LUC7L2: variants seen among roughly 807,000 people sequenced by gnomAD.
The protein encoded by LUC7L2 is putative RNA-binding protein Luc7-like 2.
A neutral mutation model predicts 52.8 loss-of-function variants in LUC7L2; 25 were observed. The observed-to-expected ratio is 0.47, with a 90% confidence interval of 0.34 to 0.66. LUC7L2 has a LOEUF of 0.66. Ranked by LOEUF, LUC7L2 falls within the 30% of genes least tolerant of loss-of-function variation. The pLI is 0.01. For synonymous variants in LUC7L2, 144 were observed against 160.9 expected, an observed-to-expected ratio of 0.89 and a Z score of 0.80; for missense variants, 328 against 497.8, an observed-to-expected ratio of 0.66 and a Z score of 3.25.
At chr7:139,417,509 T>G (rs1422134312) in intron 8 of LUC7L2, 29 bp from the exon 9 acceptor site, 5 of 1,600,846 alleles carry the variant, frequency 3.1e-6, no homozygotes, top group Non-Finnish European at 4.3e-6. Flanking sequence ...ATTACAAAGG[T>G]AGAAACAAAA....
At chr7:139,378,286 A>G (rs1800822048) in intron 2 of LUC7L2, among the ~76,000 whole-genome samples, 3 of 152,210 alleles carry the variant, frequency 2.0e-5, no homozygotes, top group Non-Finnish European at 2.9e-5. Context: ...ATTTACTTTT[A>G]ATTTTTATTT....
At chr7:139,378,532 A>G (rs1217825541) in intron 2 of LUC7L2, among the ~76,000 whole-genome samples, 1 of 152,102 alleles carries the variant, frequency 6.6e-6, no homozygotes, top group African/African-American at 2.4e-5. Context: ...CTGTGATCAC[A>G]CCAGTGTACT....
At position 139,422,465 on chromosome 7, in the gene LUC7L2, A is replaced by G; in HGVS notation, c.*125A>G. The G allele has an allele frequency of 1.4e-6, 2 of 1,447,958 alleles. No individual in the cohort carries two copies. Among genetic ancestry groups the G allele is most frequent in the African/African-American group, 2.8e-5 (2 of 70,668 alleles). 89.7% of individuals were successfully genotyped at this position (1,447,958 alleles called of 1,614,324 possible). On this transcript the variant is annotated 3_prime_UTR_variant, in exon 10 of 10. Transcript: ENST00000354926. ...CCAGATCCAGCTAGGCTAGATGTAC[A>G]GTATCTAACTTGATCTGAACTGAAC...
chr7:139,391,857 G>T (rs1490916237), intron 2 of LUC7L2, among the ~76,000 whole-genome samples: 1 of 152,120 alleles, frequency 6.6e-6, no homozygotes, highest in Non-Finnish European at 1.5e-5. Context: ...ATAGTGCTGG[G>T]ACTACAGGTG....
chr7:139,389,568 A>G (rs1439002801), intron 2 of LUC7L2, among the ~76,000 whole-genome samples: 1 of 152,114 alleles, frequency 6.6e-6, no homozygotes, highest in Non-Finnish European at 1.5e-5. Flanking sequence ...CCTCATACAC[A>G]CTGATATTTA....
Position 139,417,603 on chromosome 7 carries a change from C to A in LUC7L2, c.875C>A (p.Thr292Asn). ...RSMSRERKRR[T>N]RSKSREKRHR... The stretch of plus-strand genomic sequence containing the variant: ...ATGTCACGTGAACGCAAGAGGAGAA[C>A]TCGATCCAAATCTCGGGAGAAACGC... The change falls in exon 9 of 10, where the codon ACT (threonine) becomes AAT (asparagine). Residue 292 changes from threonine to asparagine, a missense_variant. This residue lies in a region of LUC7L2 where 195 missense variants were observed against 223.3 expected (regional missense o/e 0.87). Coordinates refer to ENST00000354926, the MANE Select transcript of LUC7L2 (RefSeq NM_016019.5). 6.2e-7 allele frequency: 1 copy of A among 1,614,184 alleles called. No individual in the cohort carries two copies. Among genetic ancestry groups the A allele is most frequent in the Non-Finnish European group, 8.5e-7 (1 of 1,180,028 alleles).
intron 1 of LUC7L2, among the ~76,000 whole-genome samples, chr7:139,342,061 A>C (rs1799007354): frequency 1.3e-5 from 2 of 152,142 alleles, no homozygotes; most frequent in Non-Finnish European, 1.5e-5. Context: ...CAACTGTCGA[A>C]TTTCTGAGCC....
intron 2 of LUC7L2, among the ~76,000 whole-genome samples, chr7:139,390,819 C>A (rs6945571): frequency 6.6e-6 from 1 of 151,900 alleles, no homozygotes; most frequent in Non-Finnish European, 1.5e-5. Context: ...GCCTCCCAAA[C>A]TGCTGGGATT....
upstream of LUC7L2, chr7:139,359,703 T>A (rs375643246): frequency 2.5e-6 from 1 of 398,050 alleles, no homozygotes; most frequent in Non-Finnish European, 4.4e-6. Flanking sequence ...TCGGGGCGGA[T>A]CCGGCTTGCA....
chr7:139,360,401 G>C (rs1391600908), intron 1 of LUC7L2, 79 bp downstream of exon 1: 5 of 1,387,842 alleles, frequency 3.6e-6, no homozygotes, highest in Middle Eastern at 2.1e-4. Context: ...GCGCACCTGG[G>C]CGCGCGCGTG....
chr7:139,365,728 C>G (rs566744536), intron 1 of LUC7L2, among the ~76,000 whole-genome samples: 1 of 152,182 alleles, frequency 6.6e-6, no homozygotes, highest in African/African-American at 2.4e-5. Flanking sequence ...TTCTTAAAGC[C>G]TACTGCTGTT....
chr7:139,374,145 A>G (rs751927471), intron 1 of LUC7L2, among the ~76,000 whole-genome samples: 7 of 152,204 alleles, frequency 4.6e-5, no homozygotes, highest in Non-Finnish European at 1.0e-4. Flanking sequence ...TAATTTTTTA[A>G]AACCCCACTT....
chr7:139,364,774 A>G (rs1198884574), intron 1 of LUC7L2, among the ~76,000 whole-genome samples: 2 of 152,212 alleles, frequency 1.3e-5, no homozygotes, highest in Admixed American at 6.5e-5. Context: ...GCGTTCTTTA[A>G]TGGATTTTAT....
At chr7:139,386,572 T>A (rs1794204836) in intron 2 of LUC7L2, among the ~76,000 whole-genome samples, 1 of 139,906 alleles carries the variant, frequency 7.1e-6, no homozygotes, top group Admixed American at 6.9e-5. Flanking sequence ...ACCTGGCTAA[T>A]TTTTTTTTCG....
intron 2 of LUC7L2, among the ~76,000 whole-genome samples, chr7:139,378,800 A>G (rs890560323): frequency 6.6e-6 from 1 of 152,176 alleles, no homozygotes; most frequent in African/African-American, 2.4e-5. Context: ...GTCCTTAAGG[A>G]CACCATTGTA....
chr7:139,406,792 C>G (rs1384689418), intron 5 of LUC7L2, among the ~76,000 whole-genome samples: 1 of 152,008 alleles, frequency 6.6e-6, no homozygotes, highest in South Asian at 2.1e-4. Flanking sequence ...CAATTCGTGT[C>G]TTTTCTTAAT....
intron 2 of LUC7L2, among the ~76,000 whole-genome samples, chr7:139,390,431 A>G (rs189254080): frequency 6.6e-6 from 1 of 151,344 alleles, no homozygotes; most frequent in Admixed American, 6.6e-5. Context: ...GTTTCGCCAT[A>G]TTGGCCAGGC....
At chr7:139,399,472 T>G (rs1794805156) in intron 3 of LUC7L2, among the ~76,000 whole-genome samples, 7 of 115,924 alleles carry the variant, frequency 6.0e-5, no homozygotes, top group Admixed American at 2.6e-4. Context: ...TTTTTTTTTT[T>G]TTTTTTTTTT....
chr7:139,357,441 G>T (rs1799638444), upstream of LUC7L2, among the ~76,000 whole-genome samples: 1 of 151,924 alleles, frequency 6.6e-6, no homozygotes, highest in African/African-American at 2.4e-5. Flanking sequence ...ATAAAAAAAA[G>T]AACTCAAATC....
Sources: allele counts gnomAD v4.1 joint callset (sites outside exome capture counted in the v4.1 genomes callset), GRCh38; gene constraint gnomAD v4.1.1; regional missense constraint gnomAD v4.1.1; transcripts MANE v1.5; gene names NCBI Gene and HGNC (gene_info 2026-07-23, HGNC 2026-07-21).